Variants in NRG4 observed in about 807,000 individuals in gnomAD.
The protein encoded by NRG4 is neuregulin 4.
NRG4 carries 10 observed loss-of-function variants against 15.0 expected under a neutral mutation model. The ratio of observed to expected loss-of-function variants is 0.67; its 90% CI spans 0.41 to 1.13. The LOEUF (loss-of-function observed/expected upper bound fraction) is 1.13. Among genes scored for constraint, NRG4 ranks in the 50% most tolerant of loss-of-function variants. The pLI, the probability that NRG4 is intolerant of heterozygous loss-of-function variation, is 0.00. For synonymous variants in NRG4, 41 were observed against 50.1 expected (o/e 0.82, Z 0.77); for missense variants, 139 against 140.2 (o/e 0.99, Z 0.04).
chr15:75,950,360 A>G, intron 5 of NRG4: 1 of 159,802 alleles, frequency 6.3e-6, no homozygotes, highest in East Asian at 1.7e-4. Context: ...TATTCTCCTG[A>G]AAATAATTTC....
rs778316625 is a variant in NRG4, at chr15:75,961,873, G to A, written c.206C>T (p.Ala69Val). The A allele has an allele frequency of 8.1e-6, 13 of 1,613,200 alleles. No individual in the cohort carries two copies. Among genetic ancestry groups the A allele is most frequent in the African/African-American group, 4.0e-5 (3 of 74,896 alleles). Residue 69 changes from alanine to valine, a missense_variant, in exon 4 of 6, where the codon GCG (alanine) becomes GTG (valine). Physicochemically the swap from Ala to Val is moderately conservative, Grantham distance 64 (BLOSUM62 0). Transcript: ENST00000394907. ...TCCAATGATAAGTGTTACTAGGACC[G>A]CCAATGCCACAAAAGCTTCAAACAG... is the stretch of plus-strand genomic sequence containing the variant. ...SNLFEAFVAL[A>V]VLVTLIIGAF...
intron 3 of NRG4, among the ~76,000 whole-genome samples, chr15:75,962,883 G>T (rs2141817494): frequency 6.6e-6 from 1 of 152,284 alleles, no homozygotes; most frequent in East Asian, 1.9e-4. Flanking sequence ...TGTAAAACCA[G>T]TTTGTTTTAA....
At chr15:75,950,375 T>C (rs1163898749) in intron 5 of NRG4, 1 of 174,682 alleles carries the variant, frequency 5.7e-6, no homozygotes, top group African/African-American at 2.4e-5. Context: ...AATTTCTTCT[T>C]GGAGAAAAGG....
chr15:76,025,211 A>G (rs941263142), intron 5 of NRG4, among the ~76,000 whole-genome samples: 71 of 152,158 alleles, frequency 4.7e-4, no homozygotes, highest in African/African-American at 1.7e-3. Flanking sequence ...AGGCTGAGGC[A>G]GGTGGATCGC....
At chr15:75,946,424 C>T (rs543358816) in intron 5 of NRG4, among the ~76,000 whole-genome samples, 1 of 152,358 alleles carries the variant, frequency 6.6e-6, no homozygotes, top group African/African-American at 2.4e-5. Flanking sequence ...GTGGCACGAT[C>T]TCAGCTCACT....
intron 3 of NRG4, chr15:75,971,178 G>A: frequency 2.2e-6 from 1 of 451,416 alleles, no homozygotes; most frequent in Non-Finnish European, 4.4e-6. Context: ...GTACATATGT[G>A]TGTGGTTTGA....
chr15:75,949,929 T>C (rs1248404985), intron 5 of NRG4, among the ~76,000 whole-genome samples: 9 of 152,226 alleles, frequency 5.9e-5, no homozygotes, highest in Non-Finnish European at 1.3e-4. Context: ...TGTTCTTCTT[T>C]TTCAAAATTA....
chr15:76,056,395 T>C (rs7176992), intron 2 of NRG4, among the ~76,000 whole-genome samples: 13 of 152,014 alleles, frequency 8.6e-5, no homozygotes, highest in South Asian at 6.2e-4. Context: ...GAGGCGGAGA[T>C]TGCAGTCAGC....
intron 3 of NRG4, among the ~76,000 whole-genome samples, chr15:75,979,516 C>T (rs929930061): frequency 3.3e-5 from 5 of 151,954 alleles, no homozygotes; most frequent in Non-Finnish European, 7.4e-5. Flanking sequence ...GTCAAAATAG[C>T]TAAAATTAAA....
At chr15:75,947,057 G>A (rs1037043665) in intron 5 of NRG4, among the ~76,000 whole-genome samples, 2 of 152,134 alleles carry the variant, frequency 1.3e-5, no homozygotes, top group Admixed American at 6.5e-5. Context: ...TTACAGGGGC[G>A]ACCGTGCTGT....
chr15:76,000,027 G>A (rs2034349924), intron 3 of NRG4, among the ~76,000 whole-genome samples: 2 of 152,076 alleles, frequency 1.3e-5, no homozygotes, highest in Admixed American at 1.3e-4. Context: ...GGGATTACAG[G>A]TGCCTGCCAC....
At chr15:76,016,576 G>T (rs961823787), upstream of NRG4, among the ~76,000 whole-genome samples, 1 of 152,102 alleles carries the variant, frequency 6.6e-6, no homozygotes, top group Non-Finnish European at 1.5e-5. Flanking sequence ...CTTTATTTCT[G>T]CCTTAATTTC....
intron 3 of NRG4, among the ~76,000 whole-genome samples, chr15:76,005,160 GGCCAGGAGTTTGAT>G (rs1368714781): frequency 6.6e-6 from 1 of 152,106 alleles, no homozygotes; most frequent in East Asian, 1.9e-4. Context: ...GATCACTTAA[GGCCAGGAGTTTGAT>G]GCCAGGAGTT....
intron 4 of NRG4, among the ~76,000 whole-genome samples, chr15:76,043,230 A>G (rs910537942): frequency 6.6e-6 from 1 of 152,200 alleles, no homozygotes; most frequent in African/African-American, 2.4e-5. Context: ...TTCTTCTAAG[A>G]TCTGGAAGAT....
chr15:76,045,450 G>A (rs886255629), intron 4 of NRG4, among the ~76,000 whole-genome samples: 1 of 150,200 alleles, frequency 6.7e-6, no homozygotes, highest in African/African-American at 2.5e-5. Context: ...AAGGAAGTCA[G>A]TACATCAAAG....
chr15:75,975,462 G>T (rs112140091), intron 3 of NRG4, among the ~76,000 whole-genome samples: 2,464 of 152,270 alleles, frequency 0.016, 64 homozygotes, highest in African/African-American at 0.055. Flanking sequence ...TTTACAATCT[G>T]GCATGTTTTT....
chr15:76,013,550 T>G (rs963583917), upstream of NRG4, among the ~76,000 whole-genome samples: 1 of 152,094 alleles, frequency 6.6e-6, no homozygotes, highest in Non-Finnish European at 1.5e-5. Flanking sequence ...CCTGTGTCCA[T>G]GTATTCTCAT....
chr15:75,972,929 G>T (rs977976861), intron 3 of NRG4, among the ~76,000 whole-genome samples: 15 of 152,166 alleles, frequency 9.9e-5, no homozygotes, highest in African/African-American at 3.4e-4. Context: ...TAGCTTGACA[G>T]GGATAGCATT....
chr15:76,000,559 T>C (rs1008764469), intron 3 of NRG4, among the ~76,000 whole-genome samples: 2 of 152,180 alleles, frequency 1.3e-5, no homozygotes, highest in African/African-American at 4.8e-5. Flanking sequence ...CCAAATATAT[T>C]GGTGGGAGTT....
Sources: gnomAD v4.1 joint callset for allele counts (sites outside exome capture counted in the v4.1 genomes callset) on GRCh38, gnomAD v4.1.1 for gene constraint, MANE v1.5 for transcripts, NCBI Gene and HGNC (gene_info 2026-07-23, HGNC 2026-07-21) for gene names.